The following TPST2 variants were observed in gnomAD, a reference collection of about 807,000 sequenced individuals.
TPST2 encodes the protein tyrosylprotein sulfotransferase 2.
A neutral mutation model predicts 27.8 loss-of-function variants in TPST2; 16 were observed. That is an observed-to-expected ratio of 0.58 (90% CI 0.39 to 0.88). TPST2 has a LOEUF of 0.88. Among genes scored for constraint, TPST2 ranks in the 40% least tolerant of loss-of-function variants. TPST2 has a pLI of 0.00. For synonymous variants in TPST2, 229 were observed against 231.7 expected (o/e 0.99, Z 0.10); for missense variants, 464 against 543.1 (o/e 0.85, Z 1.45).
chr22:26,532,883 T>G, intron 4 of TPST2, 138 bp from the exon 5 acceptor site: 1 of 727,358 alleles, frequency 1.4e-6, no homozygotes, highest in Non-Finnish European at 2.4e-6. Context: ...TTGCTTAAGC[T>G]CCTCTTCTTC....
chr22:26,574,413 C>G (rs1438821197), intron 1 of TPST2, among the ~76,000 whole-genome samples: 1 of 152,176 alleles, frequency 6.6e-6, no homozygotes, highest in Middle Eastern at 3.2e-3. Flanking sequence ...AGTTCTAACT[C>G]AAGTGTGTCT....
chr22:26,548,085 A>G lies in TPST2; in HGVS notation c.-160-3410T>C, dbSNP rs151046464. Among the ~76,000 whole-genome samples the G allele has an allele frequency of 1.1e-4, 16 of 152,260 alleles. No individual in the cohort carries two copies. In the East Asian group the frequency reaches 2.9e-3, roughly 28 times the overall value. On this transcript the variant is annotated intron_variant, in intron 1 of 6. Transcript: ENST00000338754. ...TGGTTTTCTCGTCTGTAAAATGGGG[A>G]TGATAATACAGGTCAAGTAGCCCTA...
intron 1 of TPST2, among the ~76,000 whole-genome samples, chr22:26,546,543 C>T (rs557999704): frequency 6.6e-6 from 1 of 152,388 alleles, no homozygotes; most frequent in African/African-American, 2.4e-5. Flanking sequence ...CCAGCCATCC[C>T]CCTCCAGGGA....
chr22:26,564,723 T>C (rs2267092), intron 1 of TPST2, among the ~76,000 whole-genome samples: 34,409 of 152,150 alleles, frequency 0.23, 4,220 homozygotes, highest in South Asian at 0.35. Context: ...TCACAGCAGC[T>C]GACTGGCACT....
chr22:26,584,558 G>A (rs1928262992), intron 1 of TPST2, among the ~76,000 whole-genome samples: 1 of 152,156 alleles, frequency 6.6e-6, no homozygotes, highest in Admixed American at 6.6e-5. Flanking sequence ...CCCAGCACTT[G>A]AGAGGCCAAG....
intron 1 of TPST2, among the ~76,000 whole-genome samples, chr22:26,573,096 A>C (rs2283839): frequency 0.42 from 64,278 of 151,984 alleles, 14,951 homozygotes; most frequent in East Asian, 0.74. Context: ...AATTAATGAT[A>C]GTTCCTGGCT....
intron 1 of TPST2, among the ~76,000 whole-genome samples, chr22:26,564,356 T>C (rs1026316656): frequency 3.3e-5 from 5 of 152,344 alleles, no homozygotes; most frequent in East Asian, 1.9e-4. Flanking sequence ...GGGCTGGACA[T>C]CTGTGAGCGC....
intron 1 of TPST2, chr22:26,560,637 C>T (rs1178187148): frequency 5.4e-5 from 71 of 1,321,794 alleles, no homozygotes; most frequent in Non-Finnish European, 7.5e-5. Context: ...TTCAGTCAAC[C>T]TCTCAGAGTT....
At chr22:26,553,531 C>A (rs1207803960) in intron 1 of TPST2, among the ~76,000 whole-genome samples, 1 of 141,758 alleles carries the variant, frequency 7.1e-6, no homozygotes, top group African/African-American at 2.6e-5. Flanking sequence ...TGCCACCATG[C>A]CCAGTTAATT....
intron 3 of TPST2, among the ~76,000 whole-genome samples, chr22:26,538,699 G>A (rs998433521): frequency 6.6e-6 from 1 of 152,246 alleles, no homozygotes; most frequent in African/African-American, 2.4e-5. Flanking sequence ...GCGGGTGCCT[G>A]TAATCCCAGC....
intron 1 of TPST2, among the ~76,000 whole-genome samples, chr22:26,577,628 T>C (rs189937967): frequency 0.012 from 1,795 of 148,944 alleles, 32 homozygotes; most frequent in African/African-American, 0.04. Context: ...GGATTACAGG[T>C]GTGAGCCACT....
intron 5 of TPST2, among the ~76,000 whole-genome samples, chr22:26,532,320 G>A (rs949875993): frequency 6.6e-6 from 1 of 152,148 alleles, no homozygotes; most frequent in South Asian, 2.1e-4. Flanking sequence ...TCGCTCTGTC[G>A]CTCGGGCTAC....
At chr22:26,545,294 G>C (rs1007877) in intron 1 of TPST2, among the ~76,000 whole-genome samples, 83,835 of 152,096 alleles carry the variant, frequency 0.55, 23,871 homozygotes, top group Non-Finnish European at 0.61. Context: ...GACACCAAGA[G>C]GAAGAGCAAC....
chr22:26,535,144 A>G (rs527402852), intron 4 of TPST2, among the ~76,000 whole-genome samples: 1 of 152,366 alleles, frequency 6.6e-6, no homozygotes, highest in South Asian at 2.1e-4. Context: ...TTTTAGCACC[A>G]AATGGAAACT....
chr22:26,550,330 A>T (rs1926400260), intron 1 of TPST2, among the ~76,000 whole-genome samples: 1 of 152,228 alleles, frequency 6.6e-6, no homozygotes, highest in Non-Finnish European at 1.5e-5. Context: ...CAATGACACC[A>T]GTGATAAAGG....
At chr22:26,547,113 TCTCA>T (rs1926165644) in intron 1 of TPST2, among the ~76,000 whole-genome samples, 1 of 151,766 alleles carries the variant, frequency 6.6e-6, no homozygotes, top group Admixed American at 6.6e-5. Flanking sequence ...TGAGATGGGG[TCTCA>T]CTCTGTCCAG....
intron 5 of TPST2, among the ~76,000 whole-genome samples, chr22:26,532,280 TTTTTTA>T (rs564896135): frequency 4.0e-4 from 61 of 152,254 alleles, no homozygotes; most frequent in Admixed American, 7.2e-4. Flanking sequence ...CAGCCCTTTA[TTTTTTA>T]TTTTTATTTT....
At chr22:26,582,502 A>G (rs1928155882) in intron 1 of TPST2, among the ~76,000 whole-genome samples, 1 of 152,218 alleles carries the variant, frequency 6.6e-6, no homozygotes, top group Admixed American at 6.5e-5. Context: ...GATCATATGC[A>G]TGTTAAGATC....
intron 1 of TPST2, among the ~76,000 whole-genome samples, chr22:26,561,689 CATT>C (rs1169111625): frequency 7.2e-5 from 11 of 152,156 alleles, no homozygotes; most frequent in Admixed American, 5.2e-4. Context: ...GTCTTATCAT[CATT>C]ATTACTATTA....
Sources: gnomAD v4.1 joint callset for allele counts (sites outside exome capture counted in the v4.1 genomes callset) on GRCh38, gnomAD v4.1.1 for gene constraint, MANE v1.5 for transcripts, NCBI Gene and HGNC (gene_info 2026-07-23, HGNC 2026-07-21) for gene names.